SKI: variants seen among roughly 807,000 people sequenced by gnomAD.
SKI encodes ski oncogene.
Under a neutral mutation model 59.3 loss-of-function variants are expected in SKI, and 23 were observed. That is an observed-to-expected ratio of 0.39 (90% CI 0.28 to 0.55). SKI has a LOEUF of 0.55. Among genes scored for constraint, SKI ranks in the 20% least tolerant of loss-of-function variants. SKI has a pLI of 0.67. For missense variants in SKI, 1,017 were observed against 1,038.9 expected, an observed-to-expected ratio of 0.98 and a Z score of 0.29; for synonymous variants, 673 against 488.6, an observed-to-expected ratio of 1.38 and a Z score of -4.98.
rs1557823062 is a variant in SKI, at chr1:2,255,415, CTG to C, written c.969+25684_969+25685del. Among the ~76,000 whole-genome samples the C allele has an allele frequency of 2.0e-5, 3 of 152,240 alleles. No individual in the cohort carries two copies. In the East Asian group the frequency reaches 5.8e-4, roughly 29 times the overall value. On this transcript the variant is annotated intron_variant, in intron 1 of 6. Transcript: ENST00000378536. Reference sequence around the variant, plus strand: ...CTGACCCCATTTCTTATCTGGAACACTGTGTCCTGACTTCATTTCCTGTCTGG... The same window carrying C: ...CTGACCCCATTTCTTATCTGGAACACTGTCCTGACTTCATTTCCTGTCTGG...
chr1:2,253,428 G>T, intron 1 of SKI, among the ~76,000 whole-genome samples: 1 of 152,194 alleles, frequency 6.6e-6, no homozygotes, highest in East Asian at 1.9e-4. Context: ...TGTATCCCTT[G>T]GTTTACAACC....
intron 1 of SKI, among the ~76,000 whole-genome samples, chr1:2,251,151 C>T (rs1639137309): frequency 6.6e-6 from 1 of 152,194 alleles, no homozygotes; most frequent in African/African-American, 2.4e-5. Flanking sequence ...CTCCTCCCGC[C>T]TGCCTTCTTG....
In SKI at chr1:2,269,843, C is replaced by T. The variant is rs1025459511; in HGVS notation, c.970-33135C>T. On this transcript the variant is annotated intron_variant, in intron 1 of 6. Coordinates refer to ENST00000378536, the MANE Select transcript of SKI (RefSeq NM_003036.4). The surrounding 1 kb of genome is among the most constrained non-coding windows in gnomAD (Gnocchi z 4.7). ...GTGCCTGTGGCTGGCGTGGGTCTGGCGGGTCTGGTGGTGCCTGTGGCTGGC... is the reference window on the plus strand; with the variant it reads ...GTGCCTGTGGCTGGCGTGGGTCTGGTGGGTCTGGTGGTGCCTGTGGCTGGC... Among the ~76,000 whole-genome samples the T allele has an allele frequency of 4.8e-5, 7 of 147,226 alleles. No homozygotes were observed. Among genetic ancestry groups the T allele is most frequent in the African/African-American group, 1.5e-4 (6 of 39,848 alleles).
chr1:2,293,796 C>T (rs1640222382), intron 1 of SKI, among the ~76,000 whole-genome samples: 1 of 152,220 alleles, frequency 6.6e-6, no homozygotes, highest in Non-Finnish European at 1.5e-5. Context: ...CCCCGTTTCC[C>T]CGCTTCTTCA....
chr1:2,256,202 C>T (rs1260302770), intron 1 of SKI, among the ~76,000 whole-genome samples: 1 of 151,862 alleles, frequency 6.6e-6, no homozygotes, highest in Non-Finnish European at 1.5e-5. Context: ...ACCTCATTTC[C>T]TGTCTGGAGC....
At chr1:2,243,374 C>T (rs962945752) in intron 1 of SKI, among the ~76,000 whole-genome samples, 3 of 152,254 alleles carry the variant, frequency 2.0e-5, no homozygotes, top group Non-Finnish European at 4.4e-5. Context: ...TCCTTATGCC[C>T]CGCCTGCCCT....
intron 1 of SKI, among the ~76,000 whole-genome samples, chr1:2,233,562 G>A (rs1024567224): frequency 1.3e-5 from 2 of 152,086 alleles, no homozygotes; most frequent in Non-Finnish European, 1.5e-5. Flanking sequence ...GAAGCTCTGC[G>A]CGCTTCCCAG....
chr1:2,283,751 G>T (rs1200079224), intron 1 of SKI, among the ~76,000 whole-genome samples: 2 of 152,216 alleles, frequency 1.3e-5, no homozygotes, highest in Non-Finnish European at 2.9e-5. Context: ...GCACTGCTCT[G>T]GTTCGAAGCT....
intron 1 of SKI, among the ~76,000 whole-genome samples, chr1:2,299,517 C>T (rs946820218): frequency 1.3e-5 from 2 of 152,068 alleles, no homozygotes; most frequent in Middle Eastern, 3.2e-3. Flanking sequence ...GCCTCTGCGG[C>T]GTCTCCCTCG....
At chr1:2,256,282 T>G (rs903284350) in intron 1 of SKI, among the ~76,000 whole-genome samples, 1 of 152,042 alleles carries the variant, frequency 6.6e-6, no homozygotes, top group Admixed American at 6.5e-5. Context: ...TCTGTGTCCT[T>G]ACCTCATTTC....
chr1:2,258,519 T>TCTC (rs1238079047), intron 1 of SKI, among the ~76,000 whole-genome samples: 9 of 151,290 alleles, frequency 5.9e-5, no homozygotes, highest in Non-Finnish European at 1.3e-4. Context: ...TTTTTTTTTT[T>TCTC]CTCCCATGAG....
At chr1:2,236,328 C>T (rs1451709325) in intron 1 of SKI, among the ~76,000 whole-genome samples, 3 of 152,238 alleles carry the variant, frequency 2.0e-5, no homozygotes, top group Non-Finnish European at 4.4e-5. Context: ...CAGTGGAACT[C>T]TGCAGGCACT....
At chr1:2,244,840 A>G (rs1300019170) in intron 1 of SKI, among the ~76,000 whole-genome samples, 1 of 152,246 alleles carries the variant, frequency 6.6e-6, no homozygotes, top group African/African-American at 2.4e-5. Context: ...AAGACATCCC[A>G]TGCCATTGGT....
chr1:2,301,677 C>T (rs980641056), intron 1 of SKI, among the ~76,000 whole-genome samples: 1 of 151,526 alleles, frequency 6.6e-6, no homozygotes, highest in Non-Finnish European at 1.5e-5. Flanking sequence ...CCTGATGCAG[C>T]GTCTTCTCCT....
chr1:2,239,547 C>T lies in SKI; in HGVS notation c.969+9812C>T, dbSNP rs540908345. On this transcript the variant is annotated intron_variant, in intron 1 of 6. Coordinates refer to ENST00000378536, the MANE Select transcript of SKI (RefSeq NM_003036.4). ...CCTTTGTACGGGGACACACCCTGGA[C>T]CTGAATGGAGTCAGGAAGGGTTTCA... is the stretch of plus-strand genomic sequence containing the variant. Among the ~76,000 whole-genome samples the T allele has an allele frequency of 4.6e-5, 7 of 152,312 alleles. No individual in the cohort carries two copies. The East Asian group carries it at 1.2e-3, about 25-fold the overall frequency.
At chr1:2,304,919 C>A (rs560261361) in intron 5 of SKI, among the ~76,000 whole-genome samples, 1 of 152,204 alleles carries the variant, frequency 6.6e-6, no homozygotes, top group African/African-American at 2.4e-5. Context: ...TAAGGGAGGC[C>A]GGGCTATTTT....
In SKI at chr1:2,276,074, T is replaced by C. The variant is rs12021799; in HGVS notation, c.970-26904T>C. 2.2e-3 allele frequency among the ~76,000 whole-genome samples: 341 copies of C among 152,360 alleles called. 11 individuals are homozygous for C. The East Asian group carries it at 0.061, about 27-fold the overall frequency. On this transcript the variant is annotated intron_variant, in intron 1 of 6. Transcript: ENST00000378536. ...AGCTGTTCTTTTCTTTGGTTCACACTGAGCAAGGGCTGGTTGCTCCGATAG... is the reference window on the plus strand; with the variant it reads ...AGCTGTTCTTTTCTTTGGTTCACACCGAGCAAGGGCTGGTTGCTCCGATAG...
chr1:2,250,595 C>T (rs1450168018), intron 1 of SKI, among the ~76,000 whole-genome samples: 2 of 152,220 alleles, frequency 1.3e-5, no homozygotes, highest in Non-Finnish European at 2.9e-5. Context: ...AACTTTTTGC[C>T]GGTCATTTGA....
rs149706334 is a variant in SKI at position 2,250,687 on chromosome 1, C to T, written c.969+20952C>T. On this transcript the variant is annotated intron_variant, in intron 1 of 6. Coordinates refer to ENST00000378536, the MANE Select transcript of SKI (RefSeq NM_003036.4). ...AAAGTAAGGGGATGTGGTGTGTGAC[C>T]GTGACACGGTGACCAAGTCTGGGAA... is the stretch of plus-strand genomic sequence containing the variant. Among the ~76,000 whole-genome samples, 27 of 152,366 alleles carry T rather than the reference C, an allele frequency of 1.8e-4. No individual in the cohort carries two copies. The East Asian group carries it at 4.6e-3, about 26-fold the overall frequency.
Sources: gnomAD v4.1 joint callset for allele counts (sites outside exome capture counted in the v4.1 genomes callset) on GRCh38, gnomAD v4.1.1 for gene constraint, Gnocchi (gnomAD v3.1) non-coding constraint, MANE v1.5 for transcripts, NCBI Gene and HGNC (gene_info 2026-07-23, HGNC 2026-07-21) for gene names.